Variants in ASIC2 observed in about 807,000 individuals in gnomAD.
The protein encoded by ASIC2 is acid-sensing ion channel 2.
A neutral mutation model predicts 57.3 loss-of-function variants in ASIC2; 25 were observed. That is an observed-to-expected ratio of 0.44 (90% CI 0.32 to 0.61). ASIC2 has a LOEUF of 0.61. ASIC2 is among the 20% of genes least tolerant of loss of function. The pLI is 0.06. For synonymous variants in ASIC2, 319 were observed against 307.5 expected (o/e 1.04, Z -0.39); for missense variants, 641 against 738.1 (o/e 0.87, Z 1.52).
intron 1 of ASIC2, among the ~76,000 whole-genome samples, chr17:33,759,710 C>T (rs1224729725): frequency 1.3e-5 from 2 of 152,212 alleles, no homozygotes; most frequent in African/African-American, 4.8e-5. Context: ...CCTTCACCCC[C>T]ATGCAGTGCT....
intron 1 of ASIC2, among the ~76,000 whole-genome samples, chr17:33,658,633 G>C (rs1347270068): frequency 6.6e-6 from 1 of 152,168 alleles, no homozygotes; most frequent in African/African-American, 2.4e-5. Flanking sequence ...CACGGTGGAA[G>C]GGGCAAAAGG....
At chr17:33,791,090 C>T (rs73986711) in intron 1 of ASIC2, among the ~76,000 whole-genome samples, 18 of 152,034 alleles carry the variant, frequency 1.2e-4, no homozygotes, top group South Asian at 2.1e-4. Flanking sequence ...CCTCATGCTA[C>T]GTGAGGGAAA....
chr17:33,022,050 A>C (rs777444440), intron 6 of ASIC2, among the ~76,000 whole-genome samples: 9 of 152,154 alleles, frequency 5.9e-5, no homozygotes, highest in Non-Finnish European at 1.3e-4. Flanking sequence ...CACTGAGCAG[A>C]AGCTGGCCCA....
intron 3 of ASIC2, among the ~76,000 whole-genome samples, chr17:33,044,400 C>A (rs1352812452): frequency 6.6e-6 from 1 of 151,856 alleles, no homozygotes; most frequent in Non-Finnish European, 1.5e-5. Context: ...TGAGAGTGAG[C>A]CTTGCTCTGT....
chr17:33,544,402 C>T (rs1312994410), intron 1 of ASIC2, among the ~76,000 whole-genome samples: 2 of 152,164 alleles, frequency 1.3e-5, no homozygotes. Context: ...TGGGTAAATA[C>T]CCACGAGTGG....
At chr17:33,037,720 G>A (rs147503285) in intron 3 of ASIC2, among the ~76,000 whole-genome samples, 3 of 152,326 alleles carry the variant, frequency 2.0e-5, no homozygotes, top group Admixed American at 6.5e-5. Context: ...AATACGGAAC[G>A]TGGGATGATA....
chr17:33,288,715 GACACACACACAC>G lies in ASIC2; in HGVS notation c.708+2681_708+2692del, dbSNP rs56013728. On this transcript the variant is annotated intron_variant, in intron 1 of 9. Transcript: ENST00000225823. ...CAGCAGAGTTTTCAGAGCTCTCTCT[GACACACACACAC>G]ACACACACACACACACACACACACA... 2.8e-3 allele frequency among the ~76,000 whole-genome samples: 408 copies of G among 143,612 alleles called. 2 individuals carry two copies. The highest frequency in any genetic ancestry group is 0.014 in the Middle Eastern group (4 of 280). The allele number at this position is 143,612 out of a possible 152,430, so 94.2% of individuals were successfully genotyped here. A position where few individuals can be genotyped will look rare whatever the true frequency, so the allele number is the denominator to read the frequency against.
intron 1 of ASIC2, among the ~76,000 whole-genome samples, chr17:33,768,889 C>A (rs774052876): frequency 3.9e-5 from 6 of 152,098 alleles, no homozygotes; most frequent in Non-Finnish European, 7.4e-5. Flanking sequence ...TGGGGGAAGA[C>A]GACTTGCCCT....
intron 1 of ASIC2, among the ~76,000 whole-genome samples, chr17:33,829,149 C>T (rs1395876267): frequency 6.6e-6 from 1 of 152,126 alleles, no homozygotes; most frequent in African/African-American, 2.4e-5. Context: ...GAGAAAGAGA[C>T]CCCACCTGGT....
At chr17:34,116,873 AAT>A (rs1337443627) in intron 1 of ASIC2, among the ~76,000 whole-genome samples, 1 of 151,950 alleles carries the variant, frequency 6.6e-6, no homozygotes, top group Admixed American at 6.6e-5. Context: ...GAGGGCGTAT[AAT>A]ATGTGTGTGT....
intron 1 of ASIC2, among the ~76,000 whole-genome samples, chr17:33,830,274 C>T (rs1431378397): frequency 1.3e-5 from 2 of 152,130 alleles, no homozygotes; most frequent in African/African-American, 2.4e-5. Context: ...TCTCTTCAGT[C>T]TTATTCTGAG....
intron 1 of ASIC2, among the ~76,000 whole-genome samples, chr17:33,867,875 C>G (rs1427419485): frequency 6.6e-6 from 1 of 152,210 alleles, no homozygotes; most frequent in Non-Finnish European, 1.5e-5. Context: ...AGATACAGCA[C>G]TGCTGTCACC....
At chr17:33,570,610 A>C (rs2141991154) in intron 1 of ASIC2, among the ~76,000 whole-genome samples, 1 of 152,276 alleles carries the variant, frequency 6.6e-6, no homozygotes, top group South Asian at 2.1e-4. Context: ...TTTGAGTGTT[A>C]CCATTTTAGT....
chr17:33,347,306 G>T (rs889866945), intron 1 of ASIC2, among the ~76,000 whole-genome samples: 1 of 152,202 alleles, frequency 6.6e-6, no homozygotes, highest in Non-Finnish European at 1.5e-5. Flanking sequence ...TATGTGATAA[G>T]GATCGTTGCT....
intron 1 of ASIC2, among the ~76,000 whole-genome samples, chr17:34,040,948 G>A (rs190495073): frequency 0.014 from 2,028 of 148,970 alleles, 43 homozygotes; most frequent in East Asian, 0.06. Context: ...CAGAGTATCA[G>A]GGAGATTAAG....
In ASIC2 at chr17:33,592,083, G is replaced by A. The variant is rs186423152; in HGVS notation, c.556-480016C>T. Among the ~76,000 whole-genome samples the A allele has an allele frequency of 7.9e-5, 12 of 152,266 alleles. No homozygotes were observed. In the East Asian group the frequency reaches 1.9e-3, roughly 24 times the overall value. On this transcript the variant is annotated intron_variant, in intron 1 of 9. Transcript: ENST00000359872. ...ACCATCATCCCACAAGTGTCTTCTG[G>A]GCTCTGGACTCGTGCCAGGTACTGT...
rs546895693 is a variant in ASIC2 at position 33,037,620 on chromosome 17, C to A, written c.988-9228G>T. On this transcript the variant is annotated intron_variant, in intron 3 of 9. Coordinates refer to ENST00000225823, the MANE Select transcript of ASIC2 (RefSeq NM_183377.2). ...AAAGACTCAGGAGGACCCTGAAGCA[C>A]CATCTTCAAATATCTGAAGAACTGT... Among the ~76,000 whole-genome samples the A allele has an allele frequency of 2.6e-5, 4 of 152,174 alleles. No individual in the cohort carries two copies. In the South Asian group the frequency reaches 8.3e-4, roughly 32 times the overall value.
At chr17:33,819,358 A>T (rs1424866169) in intron 1 of ASIC2, among the ~76,000 whole-genome samples, 1 of 152,240 alleles carries the variant, frequency 6.6e-6, no homozygotes, top group Non-Finnish European at 1.5e-5. Flanking sequence ...GCTCAGTTCC[A>T]ATTGAAGCTG....
intron 1 of ASIC2, among the ~76,000 whole-genome samples, chr17:33,349,353 A>G (rs577614327): frequency 4.6e-5 from 7 of 152,338 alleles, no homozygotes; most frequent in African/African-American, 1.7e-4. Flanking sequence ...GATGGAGAGG[A>G]ATCCAGGCAG....
Sources: allele counts gnomAD v4.1 joint callset (sites outside exome capture counted in the v4.1 genomes callset), GRCh38; gene constraint gnomAD v4.1.1; transcripts MANE v1.5; gene names NCBI Gene and HGNC (gene_info 2026-07-23, HGNC 2026-07-21).